The following CPNE4 variants were observed in gnomAD, a reference collection of about 807,000 sequenced individuals.
CPNE4 encodes copine 4, also known as copine-4.
CPNE4 carries 25 observed loss-of-function variants against 67.9 expected under a neutral mutation model. The observed-to-expected ratio is 0.37, with a 90% confidence interval of 0.27 to 0.51. The LOEUF is 0.51. CPNE4 is among the 20% of genes least tolerant of loss of function. The pLI, the probability that CPNE4 is intolerant of heterozygous loss-of-function variation, is 0.93. For synonymous variants in CPNE4, 242 were observed against 244.9 expected (o/e 0.99, Z 0.11); for missense variants, 464 against 690.8 (o/e 0.67, Z 3.68).
chr3:131,573,439 G>A (rs1018549545), intron 10 of CPNE4, among the ~76,000 whole-genome samples: 1 of 152,090 alleles, frequency 6.6e-6, no homozygotes. Context: ...AAGTCAGGAT[G>A]TGGAGCTGGG....
chr3:131,599,756 A>G (rs541040961), intron 7 of CPNE4, among the ~76,000 whole-genome samples: 2 of 152,226 alleles, frequency 1.3e-5, no homozygotes, highest in Admixed American at 1.3e-4. Flanking sequence ...TGCTGGCAAG[A>G]TGGGTCCAGG....
chr3:131,821,540 G>C (rs1293436327), intron 2 of CPNE4, among the ~76,000 whole-genome samples: 3 of 150,602 alleles, frequency 2.0e-5, no homozygotes, highest in Non-Finnish European at 2.9e-5. Flanking sequence ...TTTCAGACTG[G>C]CTGCCACAGC....
chr3:131,568,748 G>A (rs1937185763), intron 10 of CPNE4, among the ~76,000 whole-genome samples: 1 of 152,068 alleles, frequency 6.6e-6, no homozygotes, highest in Admixed American at 6.6e-5. Flanking sequence ...TGCAAATGAT[G>A]AGCATCTTTC....
chr3:132,034,433 A>T (rs1324986075), intron 1 of CPNE4, 134 bp downstream of exon 1: 3 of 237,382 alleles, frequency 1.3e-5, no homozygotes, highest in African/African-American at 2.3e-5. Flanking sequence ...AAACAACAAC[A>T]GCAATGACAA....
intron 3 of CPNE4, among the ~76,000 whole-genome samples, chr3:131,717,768 A>G (rs920643636): frequency 6.6e-6 from 1 of 151,960 alleles, no homozygotes; most frequent in African/African-American, 2.4e-5. Flanking sequence ...CTGTTATTGC[A>G]CTAGTATCCT....
chr3:131,682,371 G>T (rs1293378134), intron 6 of CPNE4, among the ~76,000 whole-genome samples: 1 of 152,146 alleles, frequency 6.6e-6, no homozygotes, highest in East Asian at 1.9e-4. Context: ...CCCAAGCTCA[G>T]TGATGCTGGG....
intron 1 of CPNE4, among the ~76,000 whole-genome samples, chr3:131,927,176 C>T (rs1471949478): frequency 6.6e-6 from 1 of 152,112 alleles, no homozygotes; most frequent in African/African-American, 2.4e-5. Context: ...AATTAAGATT[C>T]AAAGAATCTT....
chr3:131,626,846 T>C (rs2079085994), intron 7 of CPNE4, among the ~76,000 whole-genome samples: 1 of 152,186 alleles, frequency 6.6e-6, no homozygotes, highest in Non-Finnish European at 1.5e-5. Context: ...ACCTGGTGAC[T>C]CTAAGTTGAA....
At chr3:131,696,760 C>T in intron 4 of CPNE4, 144 bp from the exon 5 acceptor site, 2 of 684,310 alleles carry the variant, frequency 2.9e-6, no homozygotes, top group Non-Finnish European at 5.1e-6. Flanking sequence ...CTAGTGACTA[C>T]AGCACAGCAA....
chr3:131,607,330 T>C (rs1939568138), intron 7 of CPNE4, among the ~76,000 whole-genome samples: 2 of 152,150 alleles, frequency 1.3e-5, no homozygotes, highest in South Asian at 2.1e-4. Flanking sequence ...AATTGAACTT[T>C]TCTTCTCATT....
At chr3:131,679,672 A>T (rs2080686756) in intron 6 of CPNE4, among the ~76,000 whole-genome samples, 3 of 152,042 alleles carry the variant, frequency 2.0e-5, no homozygotes, top group Admixed American at 2.0e-4. Flanking sequence ...TTTCTGCCTT[A>T]ATTTCATTAT....
chr3:131,625,067 G>A (rs2079041038), intron 7 of CPNE4, among the ~76,000 whole-genome samples: 2 of 152,080 alleles, frequency 1.3e-5, no homozygotes, highest in African/African-American at 4.8e-5. Flanking sequence ...CCAGAACTCT[G>A]ACTGATACCT....
At chr3:131,751,724 T>C (rs1051434221) in intron 2 of CPNE4, among the ~76,000 whole-genome samples, 4 of 152,130 alleles carry the variant, frequency 2.6e-5, no homozygotes, top group Admixed American at 6.6e-5. Context: ...TTTGTATGTA[T>C]TTTGAGACTC....
At chr3:131,851,618 G>C (rs764418941) in intron 2 of CPNE4, among the ~76,000 whole-genome samples, 2 of 152,162 alleles carry the variant, frequency 1.3e-5, no homozygotes, top group Non-Finnish European at 2.9e-5. Context: ...ATGGAGAACA[G>C]GTTTTCCTTG....
intron 6 of CPNE4, among the ~76,000 whole-genome samples, chr3:131,677,154 T>C (rs765111726): frequency 6.6e-6 from 1 of 152,082 alleles, no homozygotes; most frequent in African/African-American, 2.4e-5. Context: ...TTTTTTCATA[T>C]GATTGTTGGC....
chr3:131,873,983 G>A (rs2087327867), intron 2 of CPNE4, among the ~76,000 whole-genome samples: 1 of 152,084 alleles, frequency 6.6e-6, no homozygotes, highest in Non-Finnish European at 1.5e-5. Context: ...CCACAGTAAA[G>A]TGTTTGTTCA....
At chr3:131,554,162 C>T (rs1936335517) in intron 12 of CPNE4, among the ~76,000 whole-genome samples, 1 of 152,038 alleles carries the variant, frequency 6.6e-6, no homozygotes. Context: ...GGTAGTTGGG[C>T]TGATGGCTAT....
At chr3:131,855,629 T>C (rs2086410741) in intron 2 of CPNE4, among the ~76,000 whole-genome samples, 1 of 151,992 alleles carries the variant, frequency 6.6e-6, no homozygotes, top group Non-Finnish European at 1.5e-5. Context: ...CTTGCACAGT[T>C]AGGTAAAGCC....
intron 2 of CPNE4, among the ~76,000 whole-genome samples, chr3:131,830,050 T>C (rs375519304): frequency 3.3e-5 from 5 of 152,302 alleles, no homozygotes; most frequent in Admixed American, 2.0e-4. Context: ...CATATTTTTC[T>C]TCTTATATTA....
Sources: gnomAD v4.1 joint callset for allele counts (sites outside exome capture counted in the v4.1 genomes callset) on GRCh38, gnomAD v4.1.1 for gene constraint, MANE v1.5 for transcripts, NCBI Gene and HGNC (gene_info 2026-07-23, HGNC 2026-07-21) for gene names.